IFNAR2: variants seen among roughly 807,000 people sequenced by gnomAD.
IFNAR2 encodes the protein interferon alpha/beta receptor 2.
Under a neutral mutation model 49.4 loss-of-function variants are expected in IFNAR2, and 30 were observed. That is an observed-to-expected ratio of 0.61 (90% CI 0.45 to 0.82). The LOEUF (loss-of-function observed/expected upper bound fraction) is 0.82. Ranked by LOEUF, IFNAR2 falls within the 40% of genes least tolerant of loss-of-function variation. The pLI, the probability that IFNAR2 is intolerant of heterozygous loss-of-function variation, is 0.00. For synonymous variants in IFNAR2, 224 were observed against 234.5 expected (o/e 0.96, Z 0.41); for missense variants, 600 against 622.7 (o/e 0.96, Z 0.39).
At chr21:33,257,331 C>T (rs928321815) in intron 7 of IFNAR2, among the ~76,000 whole-genome samples, 11 of 152,122 alleles carry the variant, frequency 7.2e-5, no homozygotes, top group Admixed American at 7.2e-4. Context: ...TGGCACAGAC[C>T]CAAAGAGTGA....
Position 33,252,709 on chromosome 21 carries a change from C to T in IFNAR2, c.588C>T (p.Ile196=), listed in dbSNP as rs766047118. Residue 196 remains isoleucine (I), a synonymous_variant, in exon 7 of 9, where the codon ATC becomes ATT. Coordinates refer to ENST00000342136, the MANE Select transcript of IFNAR2 (RefSeq NM_001289125.3). ...ACATGAGTGGAAATTTCACCTATATCATTGACAAGTTAATTCCAAACACGA... is the reference window on the plus strand; with the variant it reads ...ACATGAGTGGAAATTTCACCTATATTATTGACAAGTTAATTCCAAACACGA... ...KGNMSGNFTY[I]IDKLIPNTNY... is the part of the protein sequence containing the mutation. The T allele has an allele frequency of 6.2e-7, 1 of 1,613,748 alleles. No homozygotes were observed. Among genetic ancestry groups the T allele is most frequent in the South Asian group, 1.1e-5 (1 of 91,012 alleles).
intron 4 of IFNAR2, among the ~76,000 whole-genome samples, chr21:33,245,441 C>T (rs1185756147): frequency 6.6e-6 from 1 of 152,196 alleles, no homozygotes; most frequent in African/African-American, 2.4e-5. Context: ...GACAGGAATC[C>T]AAAGGTCTAT....
intron 2 of IFNAR2, among the ~76,000 whole-genome samples, chr21:33,243,106 CAG>C (rs1987112575): frequency 6.8e-6 from 1 of 148,012 alleles, no homozygotes; most frequent in South Asian, 2.1e-4. Flanking sequence ...TTTTTTTAGA[CAG>C]AGTCTCCCTC....
rs1987445791 is a variant in IFNAR2, at chr21:33,246,786, A to G, written c.290A>G (p.Asp97Gly). ...NTTRSFCDLT[D>G]EWRSTHEAYV... ...ACAAGATCATTTTGTGACCTCACAG[A>G]TGAGTGGAGAAGCACACACGAGGCC... Residue 97 changes from aspartate to glycine, a missense_variant, in exon 5 of 9, where the codon GAT (aspartate) becomes GGT (glycine). Transcript: ENST00000342136. The G allele has an allele frequency of 6.2e-7, 1 of 1,613,784 alleles. No individual in the cohort carries two copies. The highest frequency in any genetic ancestry group is 8.5e-7 in the Non-Finnish European group (1 of 1,179,632).
chr21:33,251,575 T>A, intron 6 of IFNAR2: 1 of 985,446 alleles, frequency 1.0e-6, no homozygotes, highest in Admixed American at 6.1e-5. Flanking sequence ...GTTTGTTTAC[T>A]AACTCCTCCT....
At chr21:33,233,772 TAAAG>T (rs1438682896) in intron 1 of IFNAR2, among the ~76,000 whole-genome samples, 1 of 151,956 alleles carries the variant, frequency 6.6e-6, no homozygotes, top group Non-Finnish European at 1.5e-5. Flanking sequence ...TAAATCAAAA[TAAAG>T]AACTTAAGAG....
chr21:33,234,905 G>C (rs1986332928), intron 1 of IFNAR2: 1 of 168,642 alleles, frequency 5.9e-6, no homozygotes, highest in East Asian at 1.9e-4. Context: ...GCAGCAGCAT[G>C]GGCTGCTCCA....
At position 33,230,870 on chromosome 21, in the gene IFNAR2, G is replaced by A. The variant is rs1366403153; in HGVS notation, c.-84+654G>A. ...GGAAGATACTCCGCGAATATGGAGA[G>A]GCGATCGGCACTTGCATTTCAACCC... On this transcript the variant is annotated intron_variant, in intron 1 of 8. Transcript: ENST00000342136. The surrounding 1 kb of genome is among the most constrained non-coding windows in gnomAD (Gnocchi z 5.5). 1.3e-5 allele frequency among the ~76,000 whole-genome samples: 2 copies of A among 152,208 alleles called. No homozygotes were observed. The highest frequency in any genetic ancestry group is 2.9e-5 in the Non-Finnish European group (2 of 68,034).
intron 6 of IFNAR2, chr21:33,252,359 T>TA: frequency 3.5e-6 from 3 of 855,748 alleles, no homozygotes; most frequent in Non-Finnish European, 4.8e-6. Context: ...GATAATCTTG[T>TA]AAAAATGACG....
At chr21:33,247,441 T>A (rs547390239) in intron 5 of IFNAR2, among the ~76,000 whole-genome samples, 6 of 151,846 alleles carry the variant, frequency 4.0e-5, no homozygotes, top group African/African-American at 1.4e-4. Context: ...TTAGTAGAAA[T>A]GTTTCACCAT....
chr21:33,242,764 TG>T, intron 2 of IFNAR2, among the ~76,000 whole-genome samples: 1 of 7,372 alleles, frequency 1.4e-4, no homozygotes, highest in Non-Finnish European at 3.2e-4. Flanking sequence ...TGTGCGTGTG[TG>T]TGTGTGTGTG....
rs1166778799 is a variant in IFNAR2, at chr21:33,264,672, G to A, written c.*1172G>A. On this transcript the variant is annotated 3_prime_UTR_variant, in exon 9 of 9. Transcript: ENST00000342136. ...ATTACAGTGCCTGTGGATCTAGGCC[G>A]GGTTGGGGGGGTGTGGGCGGGGGAA... The A allele has an allele frequency of 6.6e-6, 1 of 151,972 alleles. No individual in the cohort carries two copies. The highest frequency in any genetic ancestry group is 6.6e-5 in the Admixed American group (1 of 15,262). The allele number at this position is 151,972 out of a possible 1,614,324, so 9.4% of individuals were successfully genotyped here.
chr21:33,238,436 G>A (rs560047073), intron 1 of IFNAR2, among the ~76,000 whole-genome samples: 1 of 152,134 alleles, frequency 6.6e-6, no homozygotes, highest in South Asian at 2.1e-4. Flanking sequence ...AGTGTTTGGG[G>A]GACAGAAGAA....
intron 1 of IFNAR2, among the ~76,000 whole-genome samples, chr21:33,238,953 CT>C (rs545759422): frequency 1.6e-3 from 246 of 152,266 alleles, no homozygotes; most frequent in African/African-American, 5.7e-3. Context: ...TGAAAGACAA[CT>C]TTTCATTTAT....
At chr21:33,252,551 C>G in intron 6 of IFNAR2, 111 bp from the exon 7 acceptor site, 5 of 1,465,644 alleles carry the variant, frequency 3.4e-6, no homozygotes, top group Non-Finnish European at 4.5e-6. Flanking sequence ...TCTTACCAAG[C>G]CTGTGATAAA....
chr21:33,262,929 C>G lies in IFNAR2; in HGVS notation c.977C>G (p.Thr326Ser). The part of the protein sequence containing the change: ...YNYDDESDSD[T>S]EAAPRTSGGG... The stretch of plus-strand genomic sequence containing the variant: ...TATGATGATGAAAGTGATAGCGATA[C>G]TGAGGCAGCGCCCAGGACAAGTGGC... Residue 326 changes from threonine (T) to serine (S), a missense_variant, in exon 9 of 9, where the codon ACT becomes AGT. Physicochemically the swap from Thr to Ser is moderately conservative, Grantham distance 58. Transcript: ENST00000342136. 1 of 1,614,172 alleles carries G rather than the reference C, an allele frequency of 6.2e-7. No homozygotes were observed. Among genetic ancestry groups the G allele is most frequent in the Non-Finnish European group, 8.5e-7 (1 of 1,180,026 alleles).
intron 7 of IFNAR2, among the ~76,000 whole-genome samples, chr21:33,258,019 T>TA (rs1201710315): frequency 6.6e-6 from 1 of 152,110 alleles, no homozygotes; most frequent in Non-Finnish European, 1.5e-5. Context: ...AAATTGAAGA[T>TA]CTTGGCCAGG....
chr21:33,237,109 G>T (rs1220209627), intron 1 of IFNAR2, among the ~76,000 whole-genome samples: 2 of 147,456 alleles, frequency 1.4e-5, no homozygotes, highest in East Asian at 3.9e-4. Context: ...GTGTGTGTGT[G>T]TTTTCTCGGC....
intron 7 of IFNAR2, among the ~76,000 whole-genome samples, chr21:33,258,966 T>C (rs2073500809): frequency 6.6e-6 from 1 of 152,164 alleles, no homozygotes; most frequent in South Asian, 2.1e-4. Flanking sequence ...GAGGCGGTCT[T>C]ACTTGTTCCA....
Sources: allele counts gnomAD v4.1 joint callset (sites outside exome capture counted in the v4.1 genomes callset), GRCh38; gene constraint gnomAD v4.1.1; non-coding constraint Gnocchi (gnomAD v3.1); transcripts MANE v1.5; gene names NCBI Gene and HGNC (gene_info 2026-07-23, HGNC 2026-07-21).